The following HNF4G variants were observed in gnomAD, a reference collection of about 807,000 sequenced individuals.
HNF4G encodes hepatocyte nuclear factor 4 gamma.
Under a neutral mutation model 50.9 loss-of-function variants are expected in HNF4G, and 21 were observed. The ratio of observed to expected loss-of-function variants is 0.41; its 90% CI spans 0.29 to 0.59. The LOEUF is 0.59. HNF4G is among the 20% of genes least tolerant of loss of function. The pLI, the probability that HNF4G is intolerant of heterozygous loss-of-function variation, is 0.26. For missense variants in HNF4G, 527 were observed against 559.4 expected (o/e 0.94, Z 0.58); for synonymous variants, 198 against 185.6 (o/e 1.07, Z -0.54).
chr8:75,502,009 C>G (rs1301416202), intron 2 of HNF4G, among the ~76,000 whole-genome samples: 1 of 151,992 alleles, frequency 6.6e-6, no homozygotes, highest in African/African-American at 2.4e-5. Flanking sequence ...TGCACCACCA[C>G]GCCCAGCTAA....
chr8:75,511,691 C>T (rs778901196), intron 2 of HNF4G, among the ~76,000 whole-genome samples: 2 of 152,140 alleles, frequency 1.3e-5, no homozygotes, highest in African/African-American at 4.8e-5. Context: ...CCCGGGTTCA[C>T]GCCATTCTCC....
intron 6 of HNF4G, among the ~76,000 whole-genome samples, chr8:75,558,246 T>C (rs1436165581): frequency 1.3e-5 from 2 of 152,248 alleles, no homozygotes; most frequent in Non-Finnish European, 2.9e-5. Context: ...TTTTGTCAAA[T>C]ATCAGCATGT....
intron 1 of HNF4G, among the ~76,000 whole-genome samples, chr8:75,408,439 G>A (rs554143862): frequency 6.6e-6 from 1 of 152,160 alleles, no homozygotes; most frequent in East Asian, 1.9e-4. Context: ...TAGGTGCTTG[G>A]TCCTGCAGCA....
intron 2 of HNF4G, among the ~76,000 whole-genome samples, chr8:75,522,604 CGAT>C (rs1563539575): frequency 1.3e-5 from 2 of 152,128 alleles, no homozygotes; most frequent in African/African-American, 4.8e-5. Flanking sequence ...CATCATTTTA[CGAT>C]GTTTGCAGCA....
Position 75,449,718 on chromosome 8 carries a change from C to G in HNF4G, c.-143-40371C>G, listed in dbSNP as rs111233397. On this transcript the variant is annotated intron_variant, in intron 1 of 10. Coordinates refer to the HNF4G transcript ENST00000354370. ...GAGACGGGGTTTCACCGTGTTAGCC[C>G]GGATGGTCTCGATCTCCTGACCTCG... Among the ~76,000 whole-genome samples the G allele has an allele frequency of 3.8e-4, 58 of 151,530 alleles. No individual in the cohort carries two copies. In the Middle Eastern group the frequency reaches 0.01, roughly 27 times the overall value.
At chr8:75,430,073 C>A (rs1173726788) in intron 1 of HNF4G, among the ~76,000 whole-genome samples, 2 of 151,728 alleles carry the variant, frequency 1.3e-5, no homozygotes, top group Non-Finnish European at 2.9e-5. Flanking sequence ...ATCGTTTGAA[C>A]CCGGGAGGCA....
chr8:75,436,999 G>A (rs988959803), intron 1 of HNF4G, among the ~76,000 whole-genome samples: 7 of 152,216 alleles, frequency 4.6e-5, no homozygotes, highest in African/African-American at 1.7e-4. Flanking sequence ...AGCTATGATT[G>A]TGCCACTGCA....
chr8:75,558,728 A>G, intron 7 of HNF4G, 58 bp downstream of exon 7: 1 of 1,580,186 alleles, frequency 6.3e-7, no homozygotes, highest in South Asian at 1.1e-5. Flanking sequence ...CTACTTTTCA[A>G]TATTAGAATA....
intron 1 of HNF4G, among the ~76,000 whole-genome samples, chr8:75,452,968 A>G (rs1811621661): frequency 6.6e-6 from 1 of 152,228 alleles, no homozygotes. Context: ...TTTAGAATAA[A>G]TTAATGAGGA....
At chr8:75,553,331 T>A in intron 5 of HNF4G, 134 bp downstream of exon 5, 1 of 717,372 alleles carries the variant, frequency 1.4e-6, no homozygotes, top group Non-Finnish European at 2.2e-6. Flanking sequence ...GAGGAAGGAT[T>A]GGGTTTCCTT....
At chr8:75,544,395 G>T (rs1332167078) in intron 2 of HNF4G, among the ~76,000 whole-genome samples, 3 of 152,008 alleles carry the variant, frequency 2.0e-5, no homozygotes, top group Non-Finnish European at 4.4e-5. Flanking sequence ...CATTTAAAAG[G>T]TTTTTTAATA....
intron 1 of HNF4G, among the ~76,000 whole-genome samples, chr8:75,542,753 C>T (rs535572275): frequency 9.9e-5 from 15 of 151,936 alleles, no homozygotes; most frequent in Non-Finnish European, 2.1e-4. Flanking sequence ...AGCAATATCA[C>T]TTAGGTGGCT....
chr8:75,472,532 A>C (rs1013977437), intron 1 of HNF4G, among the ~76,000 whole-genome samples: 2 of 152,234 alleles, frequency 1.3e-5, no homozygotes, highest in African/African-American at 4.8e-5. Flanking sequence ...ACTAGAACTC[A>C]GTCGTTCTTT....
intron 1 of HNF4G, among the ~76,000 whole-genome samples, chr8:75,452,293 G>A (rs1018135344): frequency 9.2e-5 from 14 of 151,880 alleles, no homozygotes; most frequent in African/African-American, 3.1e-4. Context: ...TATAATAAAC[G>A]ATTGTTACAG....
At chr8:75,519,150 G>A (rs550612518) in intron 2 of HNF4G, among the ~76,000 whole-genome samples, 14 of 152,276 alleles carry the variant, frequency 9.2e-5, no homozygotes, top group Admixed American at 2.6e-4. Context: ...GGGGCAAAAT[G>A]CCACCAGTCT....
chr8:75,549,796 TC>T (rs1806894428), intron 3 of HNF4G, among the ~76,000 whole-genome samples: 1 of 152,002 alleles, frequency 6.6e-6, no homozygotes, highest in African/African-American at 2.4e-5. Flanking sequence ...AGTGTGATGT[TC>T]CCCTTCCTAT....
chr8:75,547,098 G>A (rs1806802713), intron 2 of HNF4G, among the ~76,000 whole-genome samples: 1 of 152,080 alleles, frequency 6.6e-6, no homozygotes, highest in Admixed American at 6.6e-5. Flanking sequence ...TACTCTCAAT[G>A]TTGTCCTCAA....
At chr8:75,529,647 A>G (rs542949466) in intron 2 of HNF4G, among the ~76,000 whole-genome samples, 160 of 152,272 alleles carry the variant, frequency 1.1e-3, no homozygotes, top group Non-Finnish European at 1.9e-3. Context: ...AATTAATTAC[A>G]TAACTACCAA....
intron 1 of HNF4G, among the ~76,000 whole-genome samples, chr8:75,487,071 G>A (rs1812515551): frequency 6.6e-6 from 1 of 152,020 alleles, no homozygotes; most frequent in Admixed American, 6.6e-5. Context: ...TTAAAAATTG[G>A]CAAATATTAA....
Sources: gnomAD v4.1 joint callset for allele counts (sites outside exome capture counted in the v4.1 genomes callset) on GRCh38, gnomAD v4.1.1 for gene constraint, MANE v1.5 for transcripts, NCBI Gene and HGNC (gene_info 2026-07-23, HGNC 2026-07-21) for gene names.